Variants in EPHA6 observed in about 807,000 individuals in gnomAD.
EPHA6 encodes the protein EPH receptor A6.
EPHA6 carries 50 observed loss-of-function variants against 112.0 expected under a neutral mutation model. The observed-to-expected ratio is 0.45, with a 90% CI of 0.36 to 0.56. EPHA6 has a LOEUF of 0.56. Ranked by LOEUF, EPHA6 falls within the 20% of genes least tolerant of loss-of-function variation. The pLI is 0.00. For synonymous variants in EPHA6, 529 were observed against 490.7 expected (o/e 1.08, Z -1.03); for missense variants, 1,280 against 1,417.4 (o/e 0.90, Z 1.56).
chr3:97,359,776 T>C (rs1420480030), intron 5 of EPHA6, among the ~76,000 whole-genome samples: 1 of 152,154 alleles, frequency 6.6e-6, no homozygotes, highest in African/African-American at 2.4e-5. Flanking sequence ...GGTTTTATTT[T>C]TTTTATTGCT....
rs79096194 is a variant in EPHA6, at chr3:97,486,165, G to A, written c.2200+2106G>A. Among the ~76,000 whole-genome samples the A allele has an allele frequency of 6.7e-3, 1,026 of 152,120 alleles. 10 individuals carry two copies. Among genetic ancestry groups the A allele is most frequent in the African/African-American group, 0.023 (957 of 41,482 alleles). On this transcript the variant is annotated intron_variant, in intron 10 of 17. Coordinates refer to ENST00000389672, the MANE Select transcript of EPHA6 (RefSeq NM_001080448.3). The stretch of plus-strand genomic sequence containing the variant: ...CTGAACTCTAATAAGTCATAATGGC[G>A]TTTATCTCATTTGGCAAAGACAGAT...
intron 2 of EPHA6, among the ~76,000 whole-genome samples, chr3:96,909,995 C>T (rs943400180): frequency 2.6e-5 from 4 of 151,894 alleles, no homozygotes; most frequent in Non-Finnish European, 5.9e-5. Context: ...CTTGCATAGT[C>T]GCATAAATAG....
intron 2 of EPHA6, among the ~76,000 whole-genome samples, chr3:96,961,941 C>T (rs1353567479): frequency 6.6e-6 from 1 of 152,104 alleles, no homozygotes; most frequent in East Asian, 1.9e-4. Context: ...AGGATGACTG[C>T]AGTAAAGGGT....
At chr3:97,237,683 G>T (rs571536407) in intron 4 of EPHA6, among the ~76,000 whole-genome samples, 2 of 152,076 alleles carry the variant, frequency 1.3e-5, no homozygotes, top group African/African-American at 4.8e-5. Context: ...TTATTAATTT[G>T]CTTGAATTTA....
At chr3:97,714,610 G>A (rs1169812538) in intron 14 of EPHA6, among the ~76,000 whole-genome samples, 7 of 152,200 alleles carry the variant, frequency 4.6e-5, no homozygotes, top group Non-Finnish European at 1.0e-4. Context: ...AGTGATGCAC[G>A]AGAGATGGAT....
At chr3:97,218,297 T>G (rs547190209) in intron 3 of EPHA6, among the ~76,000 whole-genome samples, 33 of 152,122 alleles carry the variant, frequency 2.2e-4, no homozygotes, top group African/African-American at 7.9e-4. Flanking sequence ...AAACCATTCT[T>G]AGCTCTCAGT....
intron 12 of EPHA6, among the ~76,000 whole-genome samples, chr3:97,604,654 T>G (rs923804878): frequency 1.3e-5 from 2 of 151,602 alleles, no homozygotes; most frequent in African/African-American, 4.8e-5. Context: ...TTTCAAAAAG[T>G]TTATGTAGAA....
chr3:96,826,174 A>G (rs962275233), intron 1 of EPHA6, among the ~76,000 whole-genome samples: 3 of 152,050 alleles, frequency 2.0e-5, no homozygotes, highest in Non-Finnish European at 4.4e-5. Context: ...GCCAGATTAT[A>G]TATCATAAGT....
chr3:97,710,227 G>C (rs2033896867), intron 14 of EPHA6, among the ~76,000 whole-genome samples: 1 of 152,118 alleles, frequency 6.6e-6, no homozygotes, highest in Non-Finnish European at 1.5e-5. Flanking sequence ...TTCCTATTGA[G>C]TGTACTTCTG....
intron 3 of EPHA6, among the ~76,000 whole-genome samples, chr3:97,033,445 A>G (rs2044956002): frequency 1.3e-5 from 2 of 152,014 alleles, no homozygotes; most frequent in African/African-American, 4.8e-5. Context: ...ATTTATCCAC[A>G]TATATCATGG....
At chr3:97,071,054 G>T (rs2046335547) in intron 3 of EPHA6, among the ~76,000 whole-genome samples, 1 of 151,922 alleles carries the variant, frequency 6.6e-6, no homozygotes, top group Admixed American at 6.6e-5. Context: ...TCTCCCACGA[G>T]AAAAATAGGA....
At chr3:97,142,057 T>C (rs1461357141) in intron 3 of EPHA6, among the ~76,000 whole-genome samples, 2 of 151,988 alleles carry the variant, frequency 1.3e-5, no homozygotes, top group Non-Finnish European at 2.9e-5. Flanking sequence ...TTTTTAGTGG[T>C]GGTATTTCCA....
At chr3:97,446,079 G>A (rs746019873) in intron 6 of EPHA6, among the ~76,000 whole-genome samples, 8 of 152,166 alleles carry the variant, frequency 5.3e-5, no homozygotes, top group African/African-American at 9.7e-5. Context: ...CAGCAGAAAG[G>A]CAACTGGCCA....
rs540357741 is a variant in EPHA6 at position 97,058,990 on chromosome 3, TG to T, written c.1114+71003del. On this transcript the variant is annotated intron_variant, in intron 3 of 17. Coordinates refer to ENST00000389672, the MANE Select transcript of EPHA6 (RefSeq NM_001080448.3). ...CTACAACTGGGGCAGCATGGAGGAG[TG>T]GGGGGACGCAGATTATCTCTGCCTG... Among the ~76,000 whole-genome samples the T allele has an allele frequency of 4.0e-5, 6 of 151,676 alleles. No homozygotes were observed. The East Asian group carries it at 7.8e-4, about 20-fold the overall frequency.
intron 2 of EPHA6, among the ~76,000 whole-genome samples, chr3:96,979,247 C>T (rs1207059069): frequency 7.0e-6 from 1 of 143,380 alleles, no homozygotes; most frequent in African/African-American, 2.6e-5. Flanking sequence ...TGTGATGTTC[C>T]CCTTCCTGTG....
At chr3:97,648,714 C>A in intron 14 of EPHA6, 1 of 887,052 alleles carries the variant, frequency 1.1e-6, no homozygotes, top group Non-Finnish European at 1.4e-6. Context: ...AAAAAGTTTG[C>A]AGCGAGAAAA....
At chr3:97,747,325 G>A (rs902300146) in intron 16 of EPHA6, 98 bp from the exon 17 acceptor site, 2 of 1,062,958 alleles carry the variant, frequency 1.9e-6, no homozygotes, top group African/African-American at 1.7e-5. Flanking sequence ...AACATTAGAT[G>A]TAAGAATATT....
intron 3 of EPHA6, among the ~76,000 whole-genome samples, chr3:97,037,222 C>T (rs561870407): frequency 3.3e-5 from 5 of 151,960 alleles, no homozygotes; most frequent in East Asian, 1.9e-4. Context: ...TATATTTCAA[C>T]GTGGGAAGTA....
intron 3 of EPHA6, among the ~76,000 whole-genome samples, chr3:97,187,732 AGAAAGAAAGAAAGAG>A (rs1235771613): frequency 2.7e-5 from 4 of 149,414 alleles, no homozygotes; most frequent in African/African-American, 7.5e-5. Context: ...AAAGAAAGAA[AGAAAGAAAGAAAGAG>A]GAAAGAAAGA....
Sources: allele counts gnomAD v4.1 joint callset (sites outside exome capture counted in the v4.1 genomes callset), GRCh38; gene constraint gnomAD v4.1.1; transcripts MANE v1.5; gene names NCBI Gene and HGNC (gene_info 2026-07-23, HGNC 2026-07-21).